Variants in ARFGEF3 observed in about 807,000 individuals in gnomAD.
ARFGEF3 encodes ARFGEF family member 3.
A neutral mutation model predicts 221.7 loss-of-function variants in ARFGEF3; 96 were observed. The observed-to-expected ratio is 0.43, with a 90% CI of 0.37 to 0.51. ARFGEF3 has a LOEUF of 0.51. ARFGEF3 is among the 20% of genes least tolerant of loss of function. The pLI is 0.00. For synonymous variants in ARFGEF3, 1,145 were observed against 1,126.8 expected (o/e 1.02, Z -0.32); for missense variants, 2,410 against 2,789.9 (o/e 0.86, Z 3.07).
intron 2 of ARFGEF3, among the ~76,000 whole-genome samples, chr6:138,196,990 C>T (rs1018883551): frequency 6.6e-6 from 1 of 151,934 alleles, no homozygotes; most frequent in Non-Finnish European, 1.5e-5. Context: ...GGCACCACCA[C>T]GCCCGGCTAA....
intron 2 of ARFGEF3, among the ~76,000 whole-genome samples, chr6:138,187,123 C>G (rs979310797): frequency 6.6e-6 from 1 of 152,060 alleles, no homozygotes; most frequent in African/African-American, 2.4e-5. Context: ...CCATGTTGAT[C>G]AGGTTGGTCT....
chr6:138,341,205 C>CT lies in ARFGEF3; in HGVS notation c.*4722dup, dbSNP rs1234423465. 6.5e-6 allele frequency: 1 copy of CT among 153,852 alleles called. No individual in the cohort carries two copies. Among genetic ancestry groups the CT allele is most frequent in the Non-Finnish European group, 1.5e-5 (1 of 68,216 alleles). 9.5% of individuals were successfully genotyped at this position (153,852 alleles called of 1,614,324 possible). On this transcript the variant is annotated 3_prime_UTR_variant, in exon 34 of 34. Coordinates refer to ENST00000251691, the MANE Select transcript of ARFGEF3 (RefSeq NM_020340.5). Reference sequence around the variant, plus strand: ...AAGTGCCCTGTAGCCAACAGTGCCTCTTTACTTGCTTCTCTGGGAAATACA... The same window carrying CT: ...AAGTGCCCTGTAGCCAACAGTGCCTCTTTTACTTGCTTCTCTGGGAAATACA...
In ARFGEF3 at chr6:138,336,383, C is replaced by G; in HGVS notation, c.6431C>G (p.Pro2144Arg). ...TFTALQPAVF[P>R]CISQLTCHVT... ...ACGGCCCTCCAGCCCGCAGTGTTCC[C>G]GTGCATCAGTCAGCTGACCTGTCAC... Residue 2144 changes from proline to arginine, a missense_variant, in exon 34 of 34, where the codon CCG becomes CGG. By Grantham distance (103) the Pro-to-Arg change is moderately radical (BLOSUM62 -2). Transcript: ENST00000251691. 1 of 1,613,288 alleles carries G rather than the reference C, an allele frequency of 6.2e-7. No homozygotes were observed. The highest frequency in any genetic ancestry group is 8.5e-7 in the Non-Finnish European group (1 of 1,179,634).
chr6:138,172,080 AC>A lies in ARFGEF3; in HGVS notation c.137+1368del, dbSNP rs573249716. ...AAAATTCATTACTTTTCCTGTAGTA[AC>A]TGCTACAGGTTTACATATTGTAAGG... On this transcript the variant is annotated intron_variant, in intron 2 of 33. Transcript: ENST00000251691. Among the ~76,000 whole-genome samples, 293 of 152,328 alleles carry A rather than the reference AC, an allele frequency of 1.9e-3. 1 individual carries two copies. Among genetic ancestry groups the A allele is most frequent in the African/African-American group, 6.6e-3 (276 of 41,554 alleles).
At chr6:138,244,667 T>C (rs2114558304) in intron 7 of ARFGEF3, among the ~76,000 whole-genome samples, 1 of 152,332 alleles carries the variant, frequency 6.6e-6, no homozygotes, top group Admixed American at 6.5e-5. Flanking sequence ...ACAAAGACCA[T>C]GTGCCCTGCA....
chr6:138,205,180 A>C (rs1221960020), intron 2 of ARFGEF3, among the ~76,000 whole-genome samples: 4 of 152,254 alleles, frequency 2.6e-5, no homozygotes, highest in African/African-American at 9.6e-5. Context: ...GCTGCTGGAC[A>C]TGGCATCCAA....
intron 5 of ARFGEF3, among the ~76,000 whole-genome samples, chr6:138,231,908 CTTAA>C (rs1422571480): frequency 1.3e-5 from 2 of 152,156 alleles, no homozygotes; most frequent in African/African-American, 4.8e-5. Context: ...ATTTAACTTG[CTTAA>C]TTAAACTGCA....
intron 5 of ARFGEF3, among the ~76,000 whole-genome samples, chr6:138,236,766 G>A (rs1312846240): frequency 6.6e-6 from 1 of 152,166 alleles, no homozygotes; most frequent in African/African-American, 2.4e-5. Flanking sequence ...ACCACATCTA[G>A]CCTAAAACAC....
intron 24 of ARFGEF3, among the ~76,000 whole-genome samples, chr6:138,309,660 C>G (rs1779790542): frequency 6.6e-6 from 1 of 152,130 alleles, no homozygotes; most frequent in Non-Finnish European, 1.5e-5. Context: ...GCTGGAAAAC[C>G]AAGGAAGCCG....
chr6:138,216,956 A>T (rs1438567408), intron 4 of ARFGEF3: 1 of 152,192 alleles, frequency 6.6e-6, no homozygotes, highest in Admixed American at 6.5e-5. Flanking sequence ...ATCTTTTTCT[A>T]CTTTGCAAAC....
chr6:138,332,437 A>G (rs1209515639), intron 32 of ARFGEF3, among the ~76,000 whole-genome samples: 1 of 152,114 alleles, frequency 6.6e-6, no homozygotes, highest in East Asian at 1.9e-4. Context: ...TCCCTTGAGG[A>G]TGTTATAGCT....
At chr6:138,178,907 C>T (rs1239149416) in intron 2 of ARFGEF3, among the ~76,000 whole-genome samples, 1 of 152,166 alleles carries the variant, frequency 6.6e-6, no homozygotes, top group Non-Finnish European at 1.5e-5. Context: ...GACTTAAATC[C>T]TGTGCCCTCT....
chr6:138,182,046 T>C (rs1033207216), intron 2 of ARFGEF3, among the ~76,000 whole-genome samples: 20 of 152,160 alleles, frequency 1.3e-4, no homozygotes, highest in African/African-American at 4.6e-4. Context: ...ACTAGAATCA[T>C]GTGTTGTTTT....
rs1333065582 is a variant in ARFGEF3 at position 138,343,617 on chromosome 6, G to A, written c.*7131G>A. 2.0e-5 allele frequency: 3 copies of A among 152,144 alleles called. No individual in the cohort carries two copies. The highest frequency in any genetic ancestry group is 4.4e-5 in the Non-Finnish European group (3 of 68,032). 9.4% of individuals were successfully genotyped at this position (152,144 alleles called of 1,614,324 possible). A position where few individuals can be genotyped will look rare whatever the true frequency, so the allele number is the denominator to read the frequency against. The stretch of plus-strand genomic sequence containing the variant: ...TACCAACCAGTGCCAAAAAGGAGAG[G>A]AGGGAATCCAAAAGCCAATCTTTTG... On this transcript the variant is annotated 3_prime_UTR_variant, in exon 34 of 34. Transcript: ENST00000251691.
intron 5 of ARFGEF3, among the ~76,000 whole-genome samples, chr6:138,233,151 T>C (rs1778223748): frequency 6.6e-6 from 1 of 152,170 alleles, no homozygotes; most frequent in Non-Finnish European, 1.5e-5. Flanking sequence ...AATATGTCAC[T>C]TTTTCCAGTA....
intron 2 of ARFGEF3, among the ~76,000 whole-genome samples, chr6:138,193,648 A>G (rs1326817347): frequency 2.0e-5 from 3 of 152,214 alleles, no homozygotes; most frequent in Admixed American, 6.5e-5. Flanking sequence ...TTAACTGGTA[A>G]TGGATTGGTT....
intron 15 of ARFGEF3, 73 bp downstream of exon 15, chr6:138,286,126 G>T: frequency 1.1e-6 from 1 of 945,614 alleles, no homozygotes; most frequent in Non-Finnish European, 1.7e-6. Context: ...TTGTTATGTG[G>T]TGACTTGAAT....
In ARFGEF3 at chr6:138,258,595, C is replaced by T. The variant is rs80340144; in HGVS notation, c.1104+2826C>T. Among the ~76,000 whole-genome samples, 680 of 152,292 alleles carry T rather than the reference C, an allele frequency of 4.5e-3. 4 individuals are homozygous for T. Among genetic ancestry groups the T allele is most frequent in the African/African-American group, 0.015 (629 of 41,568 alleles). ...TCCCGCCATTTAACAATTGATTATA[C>T]GTCCCATAACACTGATTGTTTCACA... On this transcript the variant is annotated intron_variant, in intron 10 of 33. Transcript: ENST00000251691.
chr6:138,210,087 C>T, intron 4 of ARFGEF3, 46 bp downstream of exon 4: 1 of 1,589,666 alleles, frequency 6.3e-7, no homozygotes, highest in Non-Finnish European at 8.6e-7. Context: ...GACAGGAACA[C>T]ATCCTGATCC....
Sources: gnomAD v4.1 joint callset for allele counts (sites outside exome capture counted in the v4.1 genomes callset) on GRCh38, gnomAD v4.1.1 for gene constraint, MANE v1.5 for transcripts, NCBI Gene and HGNC (gene_info 2026-07-23, HGNC 2026-07-21) for gene names.